LHFPL3: variants seen among roughly 807,000 people sequenced by gnomAD.
The protein encoded by LHFPL3 is LHFPL tetraspan subfamily member 3 protein.
A neutral mutation model predicts 19.3 loss-of-function variants in LHFPL3; 5 were observed. That is an observed-to-expected ratio of 0.26 (90% CI 0.14 to 0.54). LHFPL3 has a LOEUF of 0.54. Ranked by LOEUF, LHFPL3 falls within the 20% of genes least tolerant of loss-of-function variation. The pLI, the probability that LHFPL3 is intolerant of heterozygous loss-of-function variation, is 0.94. For synonymous variants in LHFPL3, 133 were observed against 126.2 expected, an observed-to-expected ratio of 1.05 and a Z score of -0.36; for missense variants, 249 against 307.4, an observed-to-expected ratio of 0.81 and a Z score of 1.42.
At chr7:104,337,746 A>G (rs1300947965) in intron 1 of LHFPL3, among the ~76,000 whole-genome samples, 1 of 152,238 alleles carries the variant, frequency 6.6e-6, no homozygotes, top group Non-Finnish European at 1.5e-5. Context: ...AGAACATTTT[A>G]AGAACCTGTA....
At chr7:104,415,155 T>A (rs1791596783) in intron 1 of LHFPL3, among the ~76,000 whole-genome samples, 1 of 152,192 alleles carries the variant, frequency 6.6e-6, no homozygotes, top group Non-Finnish European at 1.5e-5. Flanking sequence ...CGATTCTTAA[T>A]CCTATATCAA....
chr7:104,650,825 A>G (rs924567226), intron 1 of LHFPL3, among the ~76,000 whole-genome samples: 2 of 152,200 alleles, frequency 1.3e-5, no homozygotes, highest in African/African-American at 4.8e-5. Flanking sequence ...TTAAAGCAAA[A>G]TGGACAACCG....
intron 1 of LHFPL3, among the ~76,000 whole-genome samples, chr7:104,631,157 A>G (rs1413082483): frequency 1.3e-5 from 2 of 152,138 alleles, no homozygotes; most frequent in Non-Finnish European, 2.9e-5. Context: ...AACAACAACA[A>G]CAACAAAGCA....
At chr7:104,879,785 C>T (rs2891785) in intron 2 of LHFPL3, among the ~76,000 whole-genome samples, 87,769 of 152,132 alleles carry the variant, frequency 0.58, 25,681 homozygotes, top group African/African-American at 0.66. Context: ...CTAGCTAATA[C>T]TGATGAACGT....
rs1381133681 is a variant in LHFPL3, at chr7:104,869,291, G to A, written c.683-36896G>A. ...GCACAGCAAAAGAAACTACCATCAG[G>A]GTAAACAGGGAACCTACAGAATGGG... On this transcript the variant is annotated intron_variant, in intron 2 of 2. Coordinates refer to ENST00000424859, the MANE Select transcript of LHFPL3 (RefSeq NM_199000.3). Among the ~76,000 whole-genome samples the A allele has an allele frequency of 9.2e-5, 14 of 152,080 alleles. No individual in the cohort carries two copies. In the East Asian group the frequency reaches 2.1e-3, roughly 23 times the overall value.
chr7:104,595,149 G>T (rs1338061299), intron 1 of LHFPL3, among the ~76,000 whole-genome samples: 1 of 152,176 alleles, frequency 6.6e-6, no homozygotes, highest in Non-Finnish European at 1.5e-5. Flanking sequence ...CAGCTTTTCT[G>T]CTCTGGTTTC....
intron 2 of LHFPL3, among the ~76,000 whole-genome samples, chr7:104,745,449 C>T (rs1794023261): frequency 6.6e-6 from 1 of 152,196 alleles, no homozygotes; most frequent in African/African-American, 2.4e-5. Context: ...CTGCTACTTG[C>T]AACTGAAAGC....
chr7:104,819,206 G>A lies in LHFPL3; in HGVS notation c.682+82295G>A, dbSNP rs140392706. Among the ~76,000 whole-genome samples the A allele has an allele frequency of 2.8e-4, 43 of 152,116 alleles. No individual in the cohort carries two copies. The East Asian group carries it at 4.4e-3, about 16-fold the overall frequency. ...TAAATCACATGAACAATAGGAATGT[G>A]CTTGCATTTCTAATAATAATTCTAA... On this transcript the variant is annotated intron_variant, in intron 2 of 2. Coordinates refer to ENST00000424859, the MANE Select transcript of LHFPL3 (RefSeq NM_199000.3).
intron 2 of LHFPL3, among the ~76,000 whole-genome samples, chr7:104,864,290 G>C (rs530496049): frequency 2.8e-4 from 42 of 152,240 alleles, no homozygotes; most frequent in Non-Finnish European, 5.4e-4. Context: ...GCAGTGCACC[G>C]AGCATGAGCC....
chr7:104,611,786 G>A (rs1791217987), intron 1 of LHFPL3, among the ~76,000 whole-genome samples: 1 of 152,180 alleles, frequency 6.6e-6, no homozygotes, highest in Non-Finnish European at 1.5e-5. Context: ...ATAGAATTAA[G>A]AGTAGTTACA....
chr7:104,446,986 C>T (rs1311585417), intron 1 of LHFPL3, among the ~76,000 whole-genome samples: 1 of 152,160 alleles, frequency 6.6e-6, no homozygotes, highest in Non-Finnish European at 1.5e-5. Context: ...CTCTGATTTA[C>T]TCATACTAAT....
At chr7:104,820,272 C>G (rs930015281) in intron 2 of LHFPL3, among the ~76,000 whole-genome samples, 4 of 152,148 alleles carry the variant, frequency 2.6e-5, no homozygotes, top group Non-Finnish European at 5.9e-5. Context: ...AAAGGGTGAG[C>G]AGAGTGCTAA....
intron 2 of LHFPL3, among the ~76,000 whole-genome samples, chr7:104,891,345 G>C: frequency 6.6e-6 from 1 of 152,024 alleles, no homozygotes; most frequent in African/African-American, 2.4e-5. Flanking sequence ...TCATAACATG[G>C]CGGAAGGGCA....
chr7:104,515,075 C>T (rs1427746100), intron 1 of LHFPL3, among the ~76,000 whole-genome samples: 4 of 152,158 alleles, frequency 2.6e-5, no homozygotes, highest in Non-Finnish European at 4.4e-5. Context: ...TGCCGTTTCT[C>T]CCCAGATGTG....
chr7:104,542,541 T>A (rs974790310), intron 1 of LHFPL3, among the ~76,000 whole-genome samples: 2 of 152,098 alleles, frequency 1.3e-5, no homozygotes, highest in African/African-American at 4.8e-5. Flanking sequence ...GATACCCAAT[T>A]CTATTGCTCT....
chr7:104,688,597 C>T (rs1471994388), intron 1 of LHFPL3, among the ~76,000 whole-genome samples: 2 of 152,126 alleles, frequency 1.3e-5, no homozygotes, highest in Non-Finnish European at 2.9e-5. Context: ...CCCTTCCCCA[C>T]CCATGCTGCC....
At chr7:104,565,721 G>A (rs548142750) in intron 1 of LHFPL3, among the ~76,000 whole-genome samples, 2 of 143,930 alleles carry the variant, frequency 1.4e-5, no homozygotes, top group African/African-American at 2.6e-5. Flanking sequence ...CTGTCTGTCT[G>A]TCTATCTATC....
chr7:104,521,507 G>T lies in LHFPL3; in HGVS notation c.445+192283G>T, dbSNP rs894608606. Among the ~76,000 whole-genome samples the T allele has an allele frequency of 4.5e-4, 69 of 152,028 alleles. 1 individual carries two copies. Among genetic ancestry groups the T allele is most frequent in the Admixed American group, 3.3e-4 (5 of 15,244 alleles). ...GGACTTCATGTCTAAAACACCAAAAGCAATGGCAACAAAAGACAAAATTGA... is the reference window on the plus strand; with the variant it reads ...GGACTTCATGTCTAAAACACCAAAATCAATGGCAACAAAAGACAAAATTGA... On this transcript the variant is annotated intron_variant, in intron 1 of 2. Transcript: ENST00000424859.
At chr7:104,718,471 A>T (rs1793431942) in intron 1 of LHFPL3, among the ~76,000 whole-genome samples, 1 of 152,118 alleles carries the variant, frequency 6.6e-6, no homozygotes, top group Admixed American at 6.5e-5. Context: ...TGTATTTGGA[A>T]ATTGTAATGC....
Sources: allele counts gnomAD v4.1 joint callset (sites outside exome capture counted in the v4.1 genomes callset), GRCh38; gene constraint gnomAD v4.1.1; transcripts MANE v1.5; gene names NCBI Gene and HGNC (gene_info 2026-07-23, HGNC 2026-07-21).